The following CLSTN1 variants were observed in gnomAD, a reference collection of about 807,000 sequenced individuals.
The protein encoded by CLSTN1 is calsyntenin-1.
In CLSTN1, 28 loss-of-function variants were observed where a neutral mutation model predicts 108.3. The ratio of observed to expected loss-of-function variants is 0.26; its 90% CI spans 0.19 to 0.35. The LOEUF (loss-of-function observed/expected upper bound fraction) is 0.35, where lower values mean the gene tolerates loss of function less well. Among genes scored for constraint, CLSTN1 ranks in the 10% least tolerant of loss-of-function variants. CLSTN1 has a pLI of 1.00. For synonymous variants in CLSTN1, 524 were observed against 534.9 expected (o/e 0.98, Z 0.28); for missense variants, 1,157 against 1,302.6 (o/e 0.89, Z 1.72).
chr1:9,808,586 C>T (rs1482922555), intron 1 of CLSTN1, among the ~76,000 whole-genome samples: 1 of 152,094 alleles, frequency 6.6e-6, no homozygotes, highest in Non-Finnish European at 1.5e-5. Flanking sequence ...AGGCAGTTTG[C>T]CAGTAATTAC....
chr1:9,814,244 T>C (rs1336492749), intron 1 of CLSTN1, among the ~76,000 whole-genome samples: 1 of 123,016 alleles, frequency 8.1e-6, no homozygotes, highest in African/African-American at 3.2e-5. Context: ...ACCCCATCTC[T>C]ACCAAAAAAA....
chr1:9,738,563 G>A (rs1398675445), intron 10 of CLSTN1, among the ~76,000 whole-genome samples: 2 of 152,210 alleles, frequency 1.3e-5, no homozygotes, highest in Non-Finnish European at 2.9e-5. Flanking sequence ...GCTCTCCACG[G>A]CCAACGTGTA....
Position 9,731,479 on chromosome 1 carries a change from CG to C in CLSTN1, c.2564-90del, listed in dbSNP as rs1650388670. The C allele has an allele frequency of 8.0e-6, 11 of 1,377,784 alleles. No homozygotes were observed. The Admixed American group carries it at 2.1e-4, about 26-fold the overall frequency. The allele number at this position is 1,377,784 out of a possible 1,614,324, so 85.3% of individuals were successfully genotyped here. ...CCTCCTCGGCTGTGCCTGGTCAAAA[CG>C]GGCTGGACAGCACGCTTCAGCTGAA... On this transcript the variant is annotated intron_variant, in intron 17 of 18. Coordinates refer to ENST00000377298, the MANE Select transcript of CLSTN1 (RefSeq NM_001009566.3).
intron 1 of CLSTN1, among the ~76,000 whole-genome samples, chr1:9,805,254 CTAT>C: frequency 6.6e-6 from 1 of 152,170 alleles, no homozygotes; most frequent in East Asian, 1.9e-4. Flanking sequence ...GTTACTTCAA[CTAT>C]TATTTAGAAG....
At chr1:9,801,449 G>A (rs921753758) in intron 1 of CLSTN1, among the ~76,000 whole-genome samples, 2 of 152,144 alleles carry the variant, frequency 1.3e-5, no homozygotes, top group Admixed American at 1.3e-4. Flanking sequence ...AGACCCAGAT[G>A]GGTTCACTGG....
chr1:9,767,119 C>A (rs11805962), intron 2 of CLSTN1, among the ~76,000 whole-genome samples: 2,042 of 152,334 alleles, frequency 0.013, 41 homozygotes, highest in African/African-American at 0.045. Context: ...GTGTTCCAGG[C>A]ACTGACGGAG....
intron 8 of CLSTN1, 113 bp from the exon 9 acceptor site, chr1:9,744,118 T>C: frequency 7.0e-7 from 1 of 1,431,682 alleles, no homozygotes; most frequent in Non-Finnish European, 9.5e-7. Context: ...AATGAACTCT[T>C]CGGCTAAGCC....
At chr1:9,781,230 T>C (rs1570485416) in intron 1 of CLSTN1, 3 of 767,006 alleles carry the variant, frequency 3.9e-6, no homozygotes, top group Non-Finnish European at 6.9e-6. Context: ...GCTGAAAATA[T>C]GACAAGCTGA....
At chr1:9,735,763 C>T (rs1445314590) in intron 12 of CLSTN1, 122 bp downstream of exon 12, 5 of 1,500,754 alleles carry the variant, frequency 3.3e-6, no homozygotes, top group Non-Finnish European at 3.6e-6. Context: ...CCAGTGAACA[C>T]AACTCTTTTA....
At position 9,730,724 on chromosome 1, in the gene CLSTN1, G is replaced by A. The variant is rs376136429; in HGVS notation, c.2749-19C>T. 17 of 1,577,494 alleles carry A rather than the reference G, an allele frequency of 1.1e-5. No individual in the cohort carries two copies. Among genetic ancestry groups the A allele is most frequent in the East Asian group, 7.0e-5 (3 of 42,968 alleles). On this transcript the variant is annotated intron_variant, in intron 18 of 18. Coordinates refer to ENST00000377298, the MANE Select transcript of CLSTN1 (RefSeq NM_001009566.3). The surrounding 1 kb of genome is among the most constrained non-coding windows in gnomAD (Gnocchi z 5.6). ...CATAGGTCTGGCAAGGAGAAGTGAC[G>A]GCCACATGAGTCCGGCCCTGCCCAC... is the stretch of plus-strand genomic sequence containing the variant.
At position 9,823,695 on chromosome 1, in the gene CLSTN1, G is replaced by T; in HGVS notation, c.39C>A (p.Ala13=). 8.8e-7 allele frequency: 1 copy of T among 1,141,270 alleles called. No homozygotes were observed. Among genetic ancestry groups the T allele is most frequent in the Non-Finnish European group, 1.1e-6 (1 of 929,916 alleles). The allele number at this position is 1,141,270 out of a possible 1,614,324, so 70.7% of individuals were successfully genotyped here. A position where few individuals can be genotyped will look rare whatever the true frequency, so the allele number is the denominator to read the frequency against. ...ACAGCAGCCCGGCCAGCAGCAGCCG[G>T]GCGGCCGGGGCCAGCGCGGGAGCGG... The part of the protein sequence containing the change: ...RRPAPALAPA[A]RLLLAGLLCG... Residue 13 remains alanine (A), a synonymous_variant, in exon 1 of 19, where the codon GCC becomes GCA. Transcript: ENST00000377298. The surrounding 1 kb of genome is among the most constrained non-coding windows in gnomAD (Gnocchi z 6.3).
At chr1:9,769,338 G>T (rs1396034106) in intron 2 of CLSTN1, among the ~76,000 whole-genome samples, 1 of 151,990 alleles carries the variant, frequency 6.6e-6, no homozygotes, top group Admixed American at 6.6e-5. Context: ...GACCTGTACA[G>T]GAATGTTCAC....
At chr1:9,807,554 AGT>A (rs1423877295) in intron 1 of CLSTN1, among the ~76,000 whole-genome samples, 1 of 152,222 alleles carries the variant, frequency 6.6e-6, no homozygotes, top group Non-Finnish European at 1.5e-5. Context: ...GCAATATTTC[AGT>A]TAAATTCTTT....
Position 9,730,284 on chromosome 1 carries a change from A to C in CLSTN1, c.*224T>G. 3.4e-6 allele frequency: 2 copies of C among 587,514 alleles called. No homozygotes were observed. The highest frequency in any genetic ancestry group is 6.1e-6 in the Non-Finnish European group (2 of 328,224). 36.4% of individuals were successfully genotyped at this position (587,514 alleles called of 1,614,324 possible). On this transcript the variant is annotated 3_prime_UTR_variant, in exon 19 of 19. Transcript: ENST00000377298. This position sits in a 1 kb window ranked among gnomAD's most constrained non-coding sequence, Gnocchi z 5.6. ...CCCCTGTGCGAGCCGGATGGCGGCC[A>C]GAGAGGACGTGTCAGCTCCTCGTGG... is the stretch of plus-strand genomic sequence containing the variant.
intron 7 of CLSTN1, among the ~76,000 whole-genome samples, chr1:9,747,168 G>T (rs934438801): frequency 7.5e-5 from 8 of 107,216 alleles, no homozygotes; most frequent in Non-Finnish European, 1.4e-4. Context: ...GACAGAGGGA[G>T]ACTGTCTCAA....
rs907931719 is a variant in CLSTN1, at chr1:9,756,665, G to T, written c.215-155C>A. On this transcript the variant is annotated intron_variant, in intron 2 of 18. Coordinates refer to ENST00000377298, the MANE Select transcript of CLSTN1 (RefSeq NM_001009566.3). ...TTGCTACAGCAAAACCTAATCTTCA[G>T]GAACAAAATGTCACTTTGAATCCAA... Among the ~76,000 whole-genome samples, 16 of 152,180 alleles carry T rather than the reference G, an allele frequency of 1.1e-4. 1 individual carries two copies.
chr1:9,744,756 C>CT (rs796964858), intron 7 of CLSTN1, 113 bp from the exon 8 acceptor site: 86,882 of 892,060 alleles, frequency 0.097, no homozygotes, highest in South Asian at 0.13. Flanking sequence ...CTCCAGTTTA[C>CT]TTTTTTTTTT....
chr1:9,753,229 G>A (rs989955262), intron 4 of CLSTN1, among the ~76,000 whole-genome samples: 1 of 152,204 alleles, frequency 6.6e-6, no homozygotes, highest in African/African-American at 2.4e-5. Flanking sequence ...GTGAGAATCT[G>A]ATACCGCTGC....
intron 1 of CLSTN1, among the ~76,000 whole-genome samples, chr1:9,796,079 T>C (rs1298863939): frequency 2.0e-5 from 3 of 150,304 alleles, no homozygotes; most frequent in Non-Finnish European, 4.4e-5. Context: ...CTGGCCAACA[T>C]GGTGAAACCC....
Sources: gnomAD v4.1 joint callset for allele counts (sites outside exome capture counted in the v4.1 genomes callset) on GRCh38, gnomAD v4.1.1 for gene constraint, Gnocchi (gnomAD v3.1) non-coding constraint, MANE v1.5 for transcripts, NCBI Gene and HGNC (gene_info 2026-07-23, HGNC 2026-07-21) for gene names.